Variants in ZNF280C observed in about 807,000 individuals in gnomAD.
ZNF280C encodes the protein zinc finger protein 280C.
A neutral mutation model predicts 53.6 loss-of-function variants in ZNF280C; 14 were observed. The observed-to-expected ratio is 0.26, with a 90% confidence interval of 0.17 to 0.41. The LOEUF is 0.41. Among genes scored for constraint, ZNF280C ranks in the 10% least tolerant of loss-of-function variants. ZNF280C has a pLI of 1.00. For missense variants in ZNF280C, 416 were observed against 547.1 expected (o/e 0.76, Z 2.39); for synonymous variants, 203 against 181.1 (o/e 1.12, Z -0.97).
At chrX:130,227,850 C>A in intron 10 of ZNF280C, 68 bp from the exon 11 acceptor site, 2 of 570,150 alleles carry the variant, frequency 3.5e-6, no homozygotes, top group Non-Finnish European at 5.8e-6. Context: ...TTTTGTACAT[C>A]CACAACAAGT....
intron 2 of ZNF280C, among the ~76,000 whole-genome samples, chrX:130,252,235 C>T (rs1306406870): frequency 1.8e-5 from 2 of 112,477 alleles, no homozygotes; most frequent in Admixed American, 9.4e-5. Flanking sequence ...AAACCGAATA[C>T]AGCAGCACAT....
intron 1 of ZNF280C, among the ~76,000 whole-genome samples, chrX:130,264,450 T>C (rs1369664990): frequency 4.5e-5 from 5 of 111,481 alleles, no homozygotes; most frequent in African/African-American, 1.6e-4. Flanking sequence ...GAGAGCTCTA[T>C]AACAATATAA....
chrX:130,261,897 C>T (rs181877183), intron 1 of ZNF280C, among the ~76,000 whole-genome samples: 19 of 111,096 alleles, frequency 1.7e-4, no homozygotes, highest in Admixed American at 1.5e-3. Flanking sequence ...GACTCATCAT[C>T]GCATACCACA....
chrX:130,250,339 A>G (rs1381275660), intron 2 of ZNF280C, among the ~76,000 whole-genome samples: 1 of 112,002 alleles, frequency 8.9e-6, no homozygotes, highest in African/African-American at 3.2e-5. Context: ...TCAAAAGATC[A>G]GTGAATCAGG....
chrX:130,217,261 C>A (rs1416202204), intron 13 of ZNF280C, among the ~76,000 whole-genome samples: 2 of 111,503 alleles, frequency 1.8e-5, no homozygotes, highest in Non-Finnish European at 3.8e-5. Flanking sequence ...TATTACTCAG[C>A]CACAAAAAAG....
intron 2 of ZNF280C, among the ~76,000 whole-genome samples, chrX:130,256,791 C>A (rs928576309): frequency 9.4e-6 from 1 of 106,772 alleles, no homozygotes; most frequent in Non-Finnish European, 1.9e-5. Context: ...CCCAGCTAGG[C>A]GGGAGGCTGA....
chrX:130,238,766 A>G (rs771140586), intron 6 of ZNF280C, among the ~76,000 whole-genome samples: 1 of 111,683 alleles, frequency 9.0e-6, no homozygotes, highest in East Asian at 2.8e-4. Flanking sequence ...ATGGGAAAAT[A>G]TTTTTGGCAT....
At chrX:130,222,276 CCACACACACACACA>C (rs59694150) in intron 12 of ZNF280C, among the ~76,000 whole-genome samples, 745 of 69,921 alleles carry the variant, frequency 0.011, 5 homozygotes, top group Admixed American at 0.024. Flanking sequence ...CATTCAGACA[CCACACACACACACA>C]CACACACACA....
At chrX:130,236,153 T>G (rs2032329670) in intron 8 of ZNF280C, 61 bp downstream of exon 8, 1 of 816,532 alleles carries the variant, frequency 1.2e-6, no homozygotes, top group Middle Eastern at 4.2e-4. Flanking sequence ...TATATCAATT[T>G]TCAATATTTT....
chrX:130,268,495 G>A (rs914185090), intron 1 of ZNF280C, among the ~76,000 whole-genome samples: 5 of 111,873 alleles, frequency 4.5e-5, no homozygotes, highest in African/African-American at 1.6e-4. Context: ...CGCAGCTGCC[G>A]CGGCCCGCGA....
At position 130,229,822 on chromosome X, in the gene ZNF280C, CAG is replaced by C. The variant is rs964974311; in HGVS notation, c.989+686_989+687del. Reference sequence around the variant, plus strand: ...GAGAAGGAACTATGATGTTCAATGGCAGAGAGTACAATATAAATGGACATACC... The same window carrying C: ...GAGAAGGAACTATGATGTTCAATGGCAGAGTACAATATAAATGGACATACC... On this transcript the variant is annotated intron_variant, in intron 9 of 18. Transcript: ENST00000370978. Among the ~76,000 whole-genome samples the C allele has an allele frequency of 2.7e-5, 3 of 111,936 alleles. No individual in the cohort carries two copies. In the East Asian group the frequency reaches 8.3e-4, roughly 31 times the overall value.
chrX:130,244,024 T>C (rs1448379898), intron 3 of ZNF280C, among the ~76,000 whole-genome samples, 159 bp from the exon 4 acceptor site: 1 of 111,973 alleles, frequency 8.9e-6, no homozygotes, highest in African/African-American at 3.2e-5. Context: ...TCCCGTGACT[T>C]GAAATCAAAC....
chrX:130,259,258 A>T, intron 2 of ZNF280C, among the ~76,000 whole-genome samples: 1 of 112,242 alleles, frequency 8.9e-6, no homozygotes, highest in African/African-American at 3.2e-5. Flanking sequence ...ACAGTAGTGT[A>T]TTGGATATGT....
chrX:130,252,018 G>T (rs756843129), intron 2 of ZNF280C, among the ~76,000 whole-genome samples: 15 of 111,801 alleles, frequency 1.3e-4, no homozygotes, highest in Non-Finnish European at 2.8e-4. Context: ...GGAGGCTGGG[G>T]CAGGGGAATC....
intron 2 of ZNF280C, among the ~76,000 whole-genome samples, chrX:130,258,667 C>T (rs2032599526): frequency 8.9e-6 from 1 of 112,417 alleles, no homozygotes; most frequent in South Asian, 3.7e-4. Context: ...AGTATTAATT[C>T]ATATTTCAGT....
At position 130,229,033 on chromosome X, in the gene ZNF280C, G is replaced by A; in HGVS notation, c.1091C>T (p.Thr364Ile). The change falls in exon 10 of 19, where the codon ACA becomes ATA. Residue 364 changes from threonine (T) to isoleucine (I), a missense_variant. This residue lies in a region of ZNF280C where 72 missense variants were observed against 168.8 expected (regional missense o/e 0.43). Transcript: ENST00000370978. ...AATGTGGCACTGCAGTTGGAAGGGTGTGGGATATTGCCGGTAACAGTGCTG... is the reference window on the plus strand; with the variant it reads ...AATGTGGCACTGCAGTTGGAAGGGTATGGGATATTGCCGGTAACAGTGCTG... ...TCQHCYRQYP[T>I]PFQLQCHIES... 1 of 1,209,603 alleles carries A rather than the reference G, an allele frequency of 8.3e-7. No individual in the cohort carries two copies. Among genetic ancestry groups the A allele is most frequent in the Non-Finnish European group, 1.1e-6 (1 of 894,228 alleles).
intron 16 of ZNF280C, among the ~76,000 whole-genome samples, chrX:130,209,179 C>T (rs887761509): frequency 6.3e-5 from 7 of 111,546 alleles, no homozygotes; most frequent in African/African-American, 1.6e-4. Context: ...AAATAATTAA[C>T]AAAGGAAGAT....
At chrX:130,228,353 G>A (rs1289915719) in intron 10 of ZNF280C, among the ~76,000 whole-genome samples, 2 of 110,747 alleles carry the variant, frequency 1.8e-5, no homozygotes, top group Admixed American at 9.6e-5. Flanking sequence ...GTGCCATCTC[G>A]GCTCACCGCA....
At chrX:130,256,967 G>A (rs1387665186) in intron 2 of ZNF280C, among the ~76,000 whole-genome samples, 3 of 109,346 alleles carry the variant, frequency 2.7e-5, no homozygotes, top group South Asian at 4.0e-4. Context: ...TTCGGAGGCC[G>A]AGGCAGGCAG....
Sources: allele counts gnomAD v4.1 joint callset (sites outside exome capture counted in the v4.1 genomes callset), GRCh38; gene constraint gnomAD v4.1.1; regional missense constraint gnomAD v4.1.1; transcripts MANE v1.5; gene names NCBI Gene and HGNC (gene_info 2026-07-23, HGNC 2026-07-21).